LIX1: variants seen among roughly 807,000 people sequenced by gnomAD.
The protein encoded by LIX1 is protein limb expression 1 homolog.
In LIX1, 24 loss-of-function variants were observed where a neutral mutation model predicts 33.4. That is an observed-to-expected ratio of 0.72 (90% confidence interval 0.52 to 1.01). LIX1 has a LOEUF of 1.01. Ranked by LOEUF, LIX1 falls within the 50% of genes least tolerant of loss-of-function variation. The pLI is 0.00. For missense variants in LIX1, 311 were observed against 339.2 expected (o/e 0.92, Z 0.65); for synonymous variants, 124 against 124.0 (o/e 1.00, Z 0.00).
intron 2 of LIX1, among the ~76,000 whole-genome samples, chr5:97,108,145 CAGGTT>C (rs1747165713): frequency 6.6e-6 from 1 of 152,194 alleles, no homozygotes; most frequent in African/African-American, 2.4e-5. Context: ...TTTTTATCTC[CAGGTT>C]AGTACAAGGG....
intron 2 of LIX1, among the ~76,000 whole-genome samples, chr5:97,112,259 A>G (rs2112774535): frequency 6.6e-6 from 1 of 152,338 alleles, no homozygotes; most frequent in South Asian, 2.1e-4. Flanking sequence ...TGCAATCTAA[A>G]TCAGAATGTG....
chr5:97,105,140 A>G, intron 4 of LIX1, 50 bp downstream of exon 4: 2 of 1,477,186 alleles, frequency 1.4e-6, no homozygotes, highest in Non-Finnish European at 1.9e-6. Flanking sequence ...CATTTCTCTT[A>G]GGCTTCTGGA....
chr5:97,101,115 A>G (rs970942593), intron 4 of LIX1, among the ~76,000 whole-genome samples: 1 of 152,030 alleles, frequency 6.6e-6, no homozygotes, highest in African/African-American at 2.4e-5. Context: ...CAGGTGAGGC[A>G]AGGTTTAAAG....
At chr5:97,136,482 T>A (rs1409506249) in intron 1 of LIX1, among the ~76,000 whole-genome samples, 5 of 152,190 alleles carry the variant, frequency 3.3e-5, no homozygotes, top group African/African-American at 9.7e-5. Flanking sequence ...TGTGCACTGC[T>A]AGGTGTGTGT....
In LIX1 at chr5:97,109,737, C is replaced by T. The variant is rs184422700; in HGVS notation, c.247-2237G>A. 1.4e-3 allele frequency among the ~76,000 whole-genome samples: 219 copies of T among 151,646 alleles called. 2 individuals are homozygous for T. The highest frequency in any genetic ancestry group is 0.014 in the Middle Eastern group (4 of 294). ...CCAATATGTAGTCTTTTATCCCTCA[C>T]CCCCCTCCCAATCTTCTCCCCCAAG... On this transcript the variant is annotated intron_variant, in intron 2 of 5. Transcript: ENST00000274382.
chr5:97,126,207 A>G (rs758604916), intron 1 of LIX1, among the ~76,000 whole-genome samples: 10 of 152,262 alleles, frequency 6.6e-5, no homozygotes, highest in Non-Finnish European at 7.3e-5. Flanking sequence ...GTAACACGGC[A>G]TCTATGCCCT....
Position 97,107,359 on chromosome 5 carries a change from C to CCA in LIX1, c.387_387+1insTG (p.Gly130TrpfsTer4), listed in dbSNP as rs1561492999. The CCA allele has an allele frequency of 1.2e-6, 2 of 1,611,866 alleles. No individual in the cohort carries two copies. The highest frequency in any genetic ancestry group is 2.7e-5 in the African/African-American group (2 of 74,864). ...TCCTGCCCTCCATGGTGGGTACTCA[C>CCA]GCTGGTGGAGGCTACTGCTTCCTGA... On this transcript the variant is annotated frameshift_variant and splice_region_variant. Transcript: ENST00000274382. LOFTEE classifies it high-confidence loss of function.
intron 2 of LIX1, among the ~76,000 whole-genome samples, chr5:97,114,329 T>G (rs1245010969): frequency 6.6e-6 from 1 of 152,156 alleles, no homozygotes. Flanking sequence ...CAAGACCTGG[T>G]CTGTACTAAA....
rs144010962 is a variant in LIX1, at chr5:97,105,239, T to A, written c.434A>T (p.Tyr145Phe). 1 of 1,614,070 alleles carries A rather than the reference T, an allele frequency of 6.2e-7. No individual in the cohort carries two copies. The highest frequency in any genetic ancestry group is 1.3e-5 in the African/African-American group (1 of 74,936). ...ADDPSTSVGA[Y>F]HYMLESNMGK... The stretch of plus-strand genomic sequence containing the variant: ...CATGTTTGACTCCAGCATGTAGTGA[T>A]AGGCCCCAACACTGGTGCTGGGGTC... Residue 145 changes from tyrosine to phenylalanine, a missense_variant, in exon 4 of 6, where the codon TAT (tyrosine) becomes TTT (phenylalanine). Tyr to Phe is a conservative substitution (Grantham distance 22). Coordinates refer to ENST00000274382, the MANE Select transcript of LIX1 (RefSeq NM_153234.5).
At chr5:97,106,698 G>A (rs999107769) in intron 3 of LIX1, among the ~76,000 whole-genome samples, 1 of 151,970 alleles carries the variant, frequency 6.6e-6, no homozygotes, top group East Asian at 1.9e-4. Context: ...CAAATATCCT[G>A]TCTTATATTG....
chr5:97,107,432 A>G lies in LIX1; in HGVS notation c.315T>C (p.Asn105=). The change falls in exon 3 of 6, where the codon AAT becomes AAC. Residue 105 remains asparagine, a synonymous_variant. Coordinates refer to ENST00000274382, the MANE Select transcript of LIX1 (RefSeq NM_153234.5). ...AKVALINSLF[N]ELPSRRITKE... ...TGGTGATCCTGCGAGAGGGCAGCTC[A>G]TTGAAGAGGGAGTTGATCAGGGCCA... 2 of 1,613,320 alleles carry G rather than the reference A, an allele frequency of 1.2e-6. No homozygotes were observed. The highest frequency in any genetic ancestry group is 8.5e-7 in the Non-Finnish European group (1 of 1,179,958).
intron 2 of LIX1, among the ~76,000 whole-genome samples, chr5:97,114,698 T>C (rs1181086614): frequency 1.3e-5 from 2 of 152,192 alleles, no homozygotes; most frequent in Admixed American, 1.3e-4. Context: ...CCAGGACAAC[T>C]CTTAGAGGAG....
chr5:97,128,399 C>A (rs967112174), intron 1 of LIX1, among the ~76,000 whole-genome samples: 9 of 152,110 alleles, frequency 5.9e-5, no homozygotes, highest in Non-Finnish European at 1.3e-4. Flanking sequence ...TTGTGGATTT[C>A]TCTTCCTCTG....
chr5:97,098,251 A>T (rs1370655777), intron 4 of LIX1, among the ~76,000 whole-genome samples: 1 of 152,242 alleles, frequency 6.6e-6, no homozygotes, highest in African/African-American at 2.4e-5. Context: ...TTGACATTCA[A>T]ACTCACCCAT....
intron 2 of LIX1, among the ~76,000 whole-genome samples, chr5:97,123,095 C>G (rs1747824234): frequency 6.6e-6 from 1 of 152,232 alleles, no homozygotes; most frequent in African/African-American, 2.4e-5. Context: ...GGGCAATGGG[C>G]TTTTTAGAGA....
chr5:97,119,305 A>C (rs1014938297), intron 2 of LIX1, among the ~76,000 whole-genome samples: 3 of 152,214 alleles, frequency 2.0e-5, no homozygotes, highest in African/African-American at 4.8e-5. Flanking sequence ...GTGACATTTG[A>C]TTATGTGAAA....
At chr5:97,117,749 A>C (rs568455262) in intron 2 of LIX1, among the ~76,000 whole-genome samples, 41 of 152,332 alleles carry the variant, frequency 2.7e-4, no homozygotes, top group Non-Finnish European at 4.3e-4. Flanking sequence ...ATATCAGCAT[A>C]GGCAATAGCT....
At position 97,110,815 on chromosome 5, in the gene LIX1, GT is replaced by G. The variant is rs535340914; in HGVS notation, c.247-3316del. Among the ~76,000 whole-genome samples the G allele has an allele frequency of 5.7e-3, 861 of 150,318 alleles. 11 individuals carry two copies. Among genetic ancestry groups the G allele is most frequent in the African/African-American group, 0.02 (815 of 40,994 alleles). Reference sequence around the variant, plus strand: ...AGTTCCAAAATGAGTGTGGAAAGTAGTTTTTTTTTTCTTTTTTCTTGGTGTT... The same window carrying G: ...AGTTCCAAAATGAGTGTGGAAAGTAGTTTTTTTTTCTTTTTTCTTGGTGTT... On this transcript the variant is annotated intron_variant, in intron 2 of 5. Transcript: ENST00000274382.
At chr5:97,117,757 G>T (rs1326177334) in intron 2 of LIX1, among the ~76,000 whole-genome samples, 1 of 152,152 alleles carries the variant, frequency 6.6e-6, no homozygotes, top group Admixed American at 6.5e-5. Flanking sequence ...ATAGGCAATA[G>T]CTTTGGTTTG....
Sources: gnomAD v4.1 joint callset for allele counts (sites outside exome capture counted in the v4.1 genomes callset) on GRCh38, gnomAD v4.1.1 for gene constraint, MANE v1.5 for transcripts, NCBI Gene and HGNC (gene_info 2026-07-23, HGNC 2026-07-21) for gene names.